The following GOLGA8A variants were observed in gnomAD, a reference collection of about 807,000 sequenced individuals.
GOLGA8A encodes golgin subfamily A member 8A.
Under a neutral mutation model 22.1 loss-of-function variants are expected in GOLGA8A, and 3 were observed. The ratio of observed to expected loss-of-function variants is 0.14; its 90% CI spans 0.06 to 0.35. The LOEUF (loss-of-function observed/expected upper bound fraction) is 0.35. Ranked by LOEUF, GOLGA8A falls within the 10% of genes least tolerant of loss-of-function variation. GOLGA8A has a pLI of 1.00. For missense variants in GOLGA8A, 16 were observed against 233.2 expected (o/e 0.07, Z 6.07); for synonymous variants, 7 against 91.7 (o/e 0.08, Z 5.28).
intron 1 of GOLGA8A, 66 bp downstream of exon 1, chr15:34,437,332 C>A (rs1443764311): frequency 1.4e-5 from 2 of 141,660 alleles, no homozygotes; most frequent in African/African-American, 2.6e-5. Flanking sequence ...CGGGTCCCCG[C>A]GGCGCCGCGG....
chr15:34,431,207 C>T (rs1340696417), intron 2 of GOLGA8A, among the ~76,000 whole-genome samples: 1 of 144,904 alleles, frequency 6.9e-6, no homozygotes, highest in Non-Finnish European at 1.5e-5. Context: ...AGAACAGATA[C>T]AACAGTTCAG....
intron 2 of GOLGA8A, among the ~76,000 whole-genome samples, chr15:34,427,077 A>G (rs1381082031): frequency 2.0e-5 from 3 of 147,944 alleles, no homozygotes; most frequent in Non-Finnish European, 3.0e-5. Flanking sequence ...TCACGCCTGT[A>G]ATTGCAGCAC....
intron 2 of GOLGA8A, chr15:34,417,903 T>C (rs1355808599): frequency 2.1e-5 from 3 of 142,882 alleles, no homozygotes; most frequent in Admixed American, 7.4e-5. Context: ...GGAGGTGCTA[T>C]TGGCATCTCT....
At position 34,432,353 on chromosome 15, in the gene GOLGA8A, T is replaced by A. The variant is rs1209776266; in HGVS notation, c.-1123+3030A>T. 6.7e-5 allele frequency among the ~76,000 whole-genome samples: 10 copies of A among 148,182 alleles called. 1 individual carries two copies. In the East Asian group the frequency reaches 2.0e-3, roughly 29 times the overall value. ...CCCACCCTGTTAAAAACAAATCTGA[T>A]ACAAAATGGGCCCCAGCAGGAGACA... On this transcript the variant is annotated intron_variant, in intron 2 of 24. Coordinates refer to ENST00000359187, the MANE Select transcript of GOLGA8A (RefSeq NM_181077.5).
At chr15:34,421,635 G>C (rs1417751793) in intron 2 of GOLGA8A, among the ~76,000 whole-genome samples, 6 of 143,892 alleles carry the variant, frequency 4.2e-5, no homozygotes, top group Admixed American at 3.6e-4. Flanking sequence ...TCTCAGCTCA[G>C]GGGTCCACGA....
intron 1 of GOLGA8A, among the ~76,000 whole-genome samples, chr15:34,436,368 G>A: frequency 6.7e-6 from 1 of 149,838 alleles, no homozygotes; most frequent in East Asian, 2.0e-4. Context: ...AAAACAAAGT[G>A]CCAGACACAA....
intron 2 of GOLGA8A, among the ~76,000 whole-genome samples, chr15:34,424,659 A>C (rs1892912353): frequency 8.1e-6 from 1 of 123,762 alleles, no homozygotes; most frequent in South Asian, 3.4e-4. Flanking sequence ...ATGGAGGCAA[A>C]GGACTTTTTA....
chr15:34,403,459 GA>G (rs1213916824), intron 5 of GOLGA8A, among the ~76,000 whole-genome samples: 3 of 105,534 alleles, frequency 2.8e-5, no homozygotes, highest in South Asian at 4.5e-4. Context: ...CTTTGAAAAA[GA>G]AAAAAAATCA....
chr15:34,418,577 C>T (rs1892667853), intron 2 of GOLGA8A: 1 of 146,596 alleles, frequency 6.8e-6, no homozygotes, highest in African/African-American at 2.5e-5. Flanking sequence ...GAGAGGTGGG[C>T]AGAGACCAGA....
intron 2 of GOLGA8A, among the ~76,000 whole-genome samples, chr15:34,429,595 G>C (rs1371418468): frequency 6.7e-6 from 1 of 149,040 alleles, no homozygotes; most frequent in Admixed American, 6.8e-5. Context: ...AGCCAGAATG[G>C]GGCTCTGATG....
At position 34,436,708 on chromosome 15, in the gene GOLGA8A, C is replaced by G. The variant is rs74007825; in HGVS notation, c.-1212+690G>C. 3.9e-3 allele frequency among the ~76,000 whole-genome samples: 581 copies of G among 149,676 alleles called. 49 individuals carry two copies. Among genetic ancestry groups the G allele is most frequent in the African/African-American group, 0.014 (558 of 40,648 alleles). On this transcript the variant is annotated intron_variant, in intron 1 of 24. Transcript: ENST00000359187. ...AGCCCTGCTTGGGGACCGGGGGCCT[C>G]GATGTTCTCCTTCACCATCTGCGGC... is the stretch of plus-strand genomic sequence containing the variant.
chr15:34,420,381 C>A (rs1892748961), intron 2 of GOLGA8A: 3 of 147,538 alleles, frequency 2.0e-5, no homozygotes. Context: ...CTGCTTTGAA[C>A]TGTAAGGAGC....
Position 34,437,426 on chromosome 15 carries a change from C to G in GOLGA8A, c.-1240G>C, listed in dbSNP as rs1252221117. ...GCCAGGGCGCGGGGCTGCCCCGGTC[C>G]GCCGCCGTCCTCGCCGCGCCGCCGT... On this transcript the variant is annotated 5_prime_UTR_variant, in exon 1 of 25. Coordinates refer to ENST00000359187, the MANE Select transcript of GOLGA8A (RefSeq NM_181077.5). The G allele has an allele frequency of 7.1e-6, 1 of 140,026 alleles. No homozygotes were observed. The highest frequency in any genetic ancestry group is 1.6e-5 in the Non-Finnish European group (1 of 63,322). 8.7% of individuals were successfully genotyped at this position (140,026 alleles called of 1,614,324 possible). A position where few individuals can be genotyped will look rare whatever the true frequency, so the allele number is the denominator to read the frequency against.
chr15:34,436,299 A>C (rs1893506940), intron 1 of GOLGA8A, among the ~76,000 whole-genome samples: 1 of 149,362 alleles, frequency 6.7e-6, no homozygotes, highest in South Asian at 2.1e-4. Flanking sequence ...GGAAAATAGA[A>C]AAACAAACAA....
At chr15:34,424,926 C>T (rs1467625279) in intron 2 of GOLGA8A, among the ~76,000 whole-genome samples, 1 of 140,012 alleles carries the variant, frequency 7.1e-6, no homozygotes. Flanking sequence ...TTGGAAAAAC[C>T]CCACCTCTAC....
intron 2 of GOLGA8A, among the ~76,000 whole-genome samples, chr15:34,426,605 T>G (rs1262518346): frequency 6.9e-6 from 1 of 145,270 alleles, no homozygotes; most frequent in Admixed American, 7.2e-5. Context: ...TCAAGATCTA[T>G]GTTATATAGC....
intron 2 of GOLGA8A, among the ~76,000 whole-genome samples, chr15:34,421,929 G>A (rs2140273369): frequency 7.3e-6 from 1 of 137,064 alleles, no homozygotes; most frequent in East Asian, 2.1e-4. Context: ...CAGGAGGCAA[G>A]GTTCCAGACA....
In GOLGA8A at chr15:34,380,362, G is replaced by A. The variant is rs1014264968; in HGVS notation, c.*1049C>T. 6.6e-6 allele frequency: 1 copy of A among 152,170 alleles called. No individual in the cohort carries two copies. Among genetic ancestry groups the A allele is most frequent in the Non-Finnish European group, 1.5e-5 (1 of 68,036 alleles). 9.4% of individuals were successfully genotyped at this position (152,170 alleles called of 1,614,324 possible). On this transcript the variant is annotated 3_prime_UTR_variant, in exon 25 of 25. Transcript: ENST00000359187. ...ATTCTTGACTAGAGCCTGTATGCCT[G>A]TTTCAGAGACATTTAAACTCTTAAA...
intron 2 of GOLGA8A, chr15:34,417,322 G>T (rs1388414080): frequency 2.0e-5 from 2 of 98,042 alleles, no homozygotes; most frequent in East Asian, 3.5e-4. Context: ...TCTTCTCTTG[G>T]TAACCCCATC....
Sources: gnomAD v4.1 joint callset for allele counts (sites outside exome capture counted in the v4.1 genomes callset) on GRCh38, gnomAD v4.1.1 for gene constraint, MANE v1.5 for transcripts, NCBI Gene and HGNC (gene_info 2026-07-23, HGNC 2026-07-21) for gene names.